The following RYR3 variants were observed in gnomAD, a reference collection of about 807,000 sequenced individuals.
The protein encoded by RYR3 is ryanodine receptor 3, also known as brain ryanodine receptor-calcium release channel.
Under a neutral mutation model 584.3 loss-of-function variants are expected in RYR3, and 207 were observed. The ratio of observed to expected loss-of-function variants is 0.35; its 90% CI spans 0.32 to 0.40. The LOEUF (loss-of-function observed/expected upper bound fraction) is 0.40, where lower values mean the gene tolerates loss of function less well. RYR3 is among the 10% of genes least tolerant of loss of function. The pLI is 1.00. For synonymous variants in RYR3, 2,416 were observed against 2,248.5 expected (o/e 1.07, Z -2.11); for missense variants, 5,616 against 6,089.2 (o/e 0.92, Z 2.59).
Position 33,825,432 on chromosome 15 carries a change from G to A in RYR3, c.11073-171G>A, listed in dbSNP as rs576328881. 3.9e-5 allele frequency among the ~76,000 whole-genome samples: 6 copies of A among 152,222 alleles called. No individual in the cohort carries two copies. The South Asian group carries it at 1.2e-3, about 32-fold the overall frequency. On this transcript the variant is annotated intron_variant, in intron 81 of 103. Coordinates refer to ENST00000634891, the MANE Select transcript of RYR3 (RefSeq NM_001036.6). ...AGCTATAGGCACCTAAGACAACACT[G>A]CTCGGCACAAAACCAAGGAATCATT...
intron 12 of RYR3, among the ~76,000 whole-genome samples, chr15:33,579,228 G>T (rs1232110698): frequency 1.3e-5 from 2 of 152,084 alleles, no homozygotes; most frequent in Non-Finnish European, 2.9e-5. Context: ...ACAGGGTGAG[G>T]AAAGTCAGAT....
At chr15:33,430,208 G>A (rs1303056656) in intron 1 of RYR3, among the ~76,000 whole-genome samples, 1 of 152,252 alleles carries the variant, frequency 6.6e-6, no homozygotes, top group Admixed American at 6.5e-5. Context: ...CGAAAATGAG[G>A]CATTTATTGC....
intron 22 of RYR3, 41 bp from the exon 23 acceptor site, chr15:33,631,169 A>G: frequency 8.1e-7 from 1 of 1,230,478 alleles, no homozygotes; most frequent in Non-Finnish European, 1.2e-6. Flanking sequence ...TGTTCCTAAC[A>G]CTGCAGTTAA....
chr15:33,591,681 A>G (rs1026854352), intron 16 of RYR3, among the ~76,000 whole-genome samples: 1 of 152,214 alleles, frequency 6.6e-6, no homozygotes, highest in African/African-American at 2.4e-5. Context: ...AACCTGCTCA[A>G]AGTTGCCATA....
Position 33,738,494 on chromosome 15 carries a change from G to T in RYR3, c.7560G>T (p.Leu2520=). 4 of 1,613,990 alleles carry T rather than the reference G, an allele frequency of 2.5e-6. No homozygotes were observed. Among genetic ancestry groups the T allele is most frequent in the Non-Finnish European group, 3.4e-6 (4 of 1,179,872 alleles). Residue 2520 remains leucine (L), a synonymous_variant, in exon 50 of 104, where the codon CTG becomes CTT. Transcript: ENST00000634891. ...AACAGTGTTGGAAGTATTACTGCCT[G>T]CCTTCAGGATGGGGGAGCTACGGGC... is the stretch of plus-strand genomic sequence containing the variant. The part of the protein sequence containing the change: ...HYEQCWKYYC[L]PSGWGSYGLA...
chr15:33,634,764 C>T (rs2061424024), intron 25 of RYR3, 31 bp downstream of exon 25: 1 of 1,604,002 alleles, frequency 6.2e-7, no homozygotes, highest in Non-Finnish European at 8.5e-7. Context: ...ATTCTGGCCC[C>T]AGTTTACTAA....
Position 33,646,472 on chromosome 15 carries a change from G to A in RYR3, c.3887G>A (p.Cys1296Tyr). 6.2e-7 allele frequency: 1 copy of A among 1,613,926 alleles called. No homozygotes were observed. Among genetic ancestry groups the A allele is most frequent in the Non-Finnish European group, 8.5e-7 (1 of 1,179,852 alleles). ...IYCRLSMPVE[C>Y]HSSFSHSPCL... is the part of the protein sequence containing the mutation. ...TGCCGCTTGAGCATGCCTGTCGAGT[G>A]CCACTCCTCCTTCAGCCACAGCCCC... is the stretch of plus-strand genomic sequence containing the variant. Residue 1296 changes from cysteine (C) to tyrosine (Y), a missense_variant, in exon 29 of 104, where the codon TGC becomes TAC. Transcript: ENST00000634891.
chr15:33,409,264 A>C (rs1248158734), intron 1 of RYR3, among the ~76,000 whole-genome samples: 1 of 151,858 alleles, frequency 6.6e-6, no homozygotes, highest in Non-Finnish European at 1.5e-5. Flanking sequence ...TACATGTGCC[A>C]TGTTGGTGTG....
intron 61 of RYR3, 94 bp downstream of exon 61, chr15:33,768,801 C>G: frequency 8.3e-7 from 1 of 1,211,984 alleles, no homozygotes; most frequent in Non-Finnish European, 1.2e-6. Flanking sequence ...ACAACCCGGG[C>G]CTTGGGACTA....
intron 2 of RYR3, among the ~76,000 whole-genome samples, chr15:33,477,897 A>T (rs1298040846): frequency 8.9e-6 from 1 of 112,276 alleles, no homozygotes; most frequent in Non-Finnish European, 2.0e-5. Flanking sequence ...AAAAAAAAAA[A>T]AAAAAAAAAG....
At chr15:33,807,403 A>C (rs1235529968) in intron 69 of RYR3, among the ~76,000 whole-genome samples, 152 bp from the exon 70 acceptor site, 1 of 152,198 alleles carries the variant, frequency 6.6e-6, no homozygotes, top group Non-Finnish European at 1.5e-5. Context: ...TGCTATGCTC[A>C]ACTGGCTTCC....
In RYR3 at chr15:33,533,319, A is replaced by G. The variant is rs1555515067; in HGVS notation, c.363A>G (p.Thr121=). 1.9e-6 allele frequency: 3 copies of G among 1,603,248 alleles called. No homozygotes were observed. The highest frequency in any genetic ancestry group is 2.6e-6 in the Non-Finnish European group (3 of 1,174,236). Residue 121 remains threonine (T), a synonymous_variant, in exon 5 of 104, where the codon ACA becomes ACG. Coordinates refer to ENST00000634891, the MANE Select transcript of RYR3 (RefSeq NM_001036.6). The part of the protein sequence containing the change: ...LRHSFSGMYL[T]CLTTSRSQTD... Reference sequence around the variant, plus strand: ...TTGCTCTTCTTTCACAGTATCTAACATGCTTGACTACATCAAGATCCCAGA... The same window carrying G: ...TTGCTCTTCTTTCACAGTATCTAACGTGCTTGACTACATCAAGATCCCAGA...
At chr15:33,448,282 G>C (rs1282463581) in intron 1 of RYR3, among the ~76,000 whole-genome samples, 2 of 152,126 alleles carry the variant, frequency 1.3e-5, no homozygotes, top group Non-Finnish European at 2.9e-5. Context: ...ACTGCTTTTT[G>C]CTCCTCTCCC....
chr15:33,450,671 T>C (rs1258250081), intron 1 of RYR3, among the ~76,000 whole-genome samples: 1 of 152,058 alleles, frequency 6.6e-6, no homozygotes, highest in African/African-American at 2.4e-5. Flanking sequence ...ACTGCACACC[T>C]TGCAGCATCC....
At chr15:33,854,683 T>TCA in intron 97 of RYR3, 83 bp from the exon 98 acceptor site, 1 of 1,509,588 alleles carries the variant, frequency 6.6e-7, no homozygotes, top group East Asian at 2.3e-5. Flanking sequence ...CCTCAGTGTG[T>TCA]CTCCCAAAAT....
At chr15:33,712,456 G>T (rs1247676651) in intron 43 of RYR3, among the ~76,000 whole-genome samples, 2 of 152,112 alleles carry the variant, frequency 1.3e-5, no homozygotes, top group African/African-American at 2.4e-5. Context: ...GAAGCAAAAT[G>T]GTTTGAGATG....
intron 102 of RYR3, 87 bp from the exon 103 acceptor site, chr15:33,864,051 C>A (rs1403972774): frequency 7.3e-6 from 7 of 965,214 alleles, no homozygotes; most frequent in African/African-American, 5.0e-5. Flanking sequence ...GACCAACTAG[C>A]CTTTCTGAGC....
intron 27 of RYR3, among the ~76,000 whole-genome samples, chr15:33,641,750 G>A (rs2061838753): frequency 6.6e-6 from 1 of 152,194 alleles, no homozygotes; most frequent in Admixed American, 6.5e-5. Context: ...CCAATACTCT[G>A]TGCCTCCCAT....
In RYR3 at chr15:33,860,614, C is replaced by A; in HGVS notation, c.14319C>A (p.Phe4773Leu). 1 of 1,590,414 alleles carries A rather than the reference C, an allele frequency of 6.3e-7. No individual in the cohort carries two copies. Among genetic ancestry groups the A allele is most frequent in the South Asian group, 1.2e-5 (1 of 86,918 alleles). The change falls in exon 101 of 104, where the codon TTC becomes TTA. Residue 4773 changes from phenylalanine to leucine, a missense_variant. Phe to Leu is a conservative substitution (Grantham distance 22). Around this residue, in one of 9 missense-constraint regions of RYR3, gnomAD observed 918 missense variants for 887.4 expected, o/e 1.03. Coordinates refer to ENST00000634891, the MANE Select transcript of RYR3 (RefSeq NM_001036.6). ...TTCCAGGTCTTATTATTGATGCTTTCGGAGAGCTAAGAGACCAGCAGGAAC... is the reference window on the plus strand; with the variant it reads ...TTCCAGGTCTTATTATTGATGCTTTAGGAGAGCTAAGAGACCAGCAGGAAC... ...AIIQGLIIDA[F>L]GELRDQQEQV... is the part of the protein sequence containing the mutation.
Sources: allele counts gnomAD v4.1 joint callset (sites outside exome capture counted in the v4.1 genomes callset), GRCh38; gene constraint gnomAD v4.1.1; regional missense constraint gnomAD v4.1.1; transcripts MANE v1.5; gene names NCBI Gene and HGNC (gene_info 2026-07-23, HGNC 2026-07-21).